PALLD: variants seen among roughly 807,000 people sequenced by gnomAD.
PALLD encodes palladin.
PALLD carries 61 observed loss-of-function variants against 123.5 expected under a neutral mutation model. The observed-to-expected ratio is 0.49, with a 90% CI of 0.40 to 0.61. The LOEUF is 0.61. PALLD is among the 20% of genes least tolerant of loss of function. The pLI is 0.00. For synonymous variants in PALLD, 465 were observed against 496.4 expected, an observed-to-expected ratio of 0.94 and a Z score of 0.84; for missense variants, 1,273 against 1,377.0, an observed-to-expected ratio of 0.92 and a Z score of 1.20.
intron 2 of PALLD, among the ~76,000 whole-genome samples, chr4:168,610,585 A>G (rs1773633168): frequency 6.6e-6 from 1 of 152,178 alleles, no homozygotes; most frequent in Admixed American, 6.5e-5. Flanking sequence ...GCAGCCATTC[A>G]GTGGCAATCT....
At chr4:168,832,219 T>TTAAA (rs1337425351) in intron 10 of PALLD, 49 of 983,572 alleles carry the variant, frequency 5.0e-5, no homozygotes, top group Admixed American at 1.2e-4. Context: ...AATGTGTGAA[T>TTAAA]TAAAGGGAGT....
intron 2 of PALLD, among the ~76,000 whole-genome samples, chr4:168,646,948 C>T (rs1168633398): frequency 6.6e-6 from 1 of 152,092 alleles, no homozygotes; most frequent in Non-Finnish European, 1.5e-5. Flanking sequence ...AAACTACCAA[C>T]AAATTTAAGG....
chr4:168,689,524 T>G (rs1025416500), intron 6 of PALLD, among the ~76,000 whole-genome samples: 1 of 134,806 alleles, frequency 7.4e-6, no homozygotes, highest in Non-Finnish European at 1.5e-5. Context: ...CTTGGCTCAC[T>G]GCAACCTCTG....
chr4:168,718,668 A>G (rs1191772093), intron 10 of PALLD, among the ~76,000 whole-genome samples: 2 of 152,214 alleles, frequency 1.3e-5, no homozygotes, highest in Non-Finnish European at 2.9e-5. Context: ...GTATCCTGCC[A>G]GAGATTGTTT....
intron 10 of PALLD, among the ~76,000 whole-genome samples, chr4:168,756,928 A>G (rs1334378370): frequency 6.6e-6 from 1 of 152,254 alleles, no homozygotes; most frequent in Non-Finnish European, 1.5e-5. Flanking sequence ...AGGGGTACCC[A>G]GTAAGATGGA....
At chr4:168,745,770 T>C (rs1021523064) in intron 10 of PALLD, among the ~76,000 whole-genome samples, 1 of 151,748 alleles carries the variant, frequency 6.6e-6, no homozygotes, top group South Asian at 2.1e-4. Context: ...GTGACCATTT[T>C]GGTGGAAAAA....
At chr4:168,917,344 G>A (rs547803866) in intron 17 of PALLD, among the ~76,000 whole-genome samples, 10 of 152,152 alleles carry the variant, frequency 6.6e-5, no homozygotes, top group South Asian at 4.2e-4. Context: ...CACCACACCC[G>A]GCCTACAGCA....
rs933966646 is a variant in PALLD, at chr4:168,895,616, A to G, written c.2200-933A>G. Among the ~76,000 whole-genome samples, 3 of 152,246 alleles carry G rather than the reference A, an allele frequency of 2.0e-5. No homozygotes were observed. In the East Asian group the frequency reaches 5.8e-4, roughly 29 times the overall value. ...ACAATTCATTAAGTGGAAGTGGGTC[A>G]TCATAAAGGTCTTCATCCTCATTGT... On this transcript the variant is annotated intron_variant, in intron 12 of 21. Transcript: ENST00000505667.
At chr4:168,504,827 A>G (rs1244951311) in intron 1 of PALLD, 1 of 152,232 alleles carries the variant, frequency 6.6e-6, no homozygotes, top group Non-Finnish European at 1.5e-5. Flanking sequence ...TTTCAATGCT[A>G]CTTACTAAAG....
chr4:168,598,993 T>C (rs901817156), intron 2 of PALLD, among the ~76,000 whole-genome samples: 2 of 152,110 alleles, frequency 1.3e-5, no homozygotes, highest in African/African-American at 4.8e-5. Flanking sequence ...ACATCAAGGG[T>C]CTGTAATTCC....
intron 10 of PALLD, 119 bp from the exon 11 acceptor site, chr4:168,890,803 A>G (rs1490060644): frequency 9.9e-7 from 1 of 1,013,112 alleles, no homozygotes; most frequent in Non-Finnish European, 1.6e-6. Context: ...CAGATGTAGC[A>G]TAAAAAATAG....
chr4:168,571,420 T>C (rs918893587), intron 2 of PALLD, among the ~76,000 whole-genome samples: 3 of 152,170 alleles, frequency 2.0e-5, no homozygotes, highest in Non-Finnish European at 4.4e-5. Flanking sequence ...ATTACATACC[T>C]GAAACTGGAA....
chr4:168,520,295 C>T (rs1395340033), intron 2 of PALLD, among the ~76,000 whole-genome samples: 4 of 141,920 alleles, frequency 2.8e-5, no homozygotes, highest in African/African-American at 8.0e-5. Flanking sequence ...CACTGCACTC[C>T]AGGCTGGGTG....
At chr4:168,627,536 A>T (rs1775419765) in intron 2 of PALLD, among the ~76,000 whole-genome samples, 1 of 152,184 alleles carries the variant, frequency 6.6e-6, no homozygotes, top group Non-Finnish European at 1.5e-5. Context: ...AGATAAATAG[A>T]TAGATAGACC....
intron 2 of PALLD, chr4:168,598,364 G>T (rs940375247): frequency 3.4e-6 from 2 of 583,332 alleles, no homozygotes; most frequent in South Asian, 3.0e-5. Context: ...GAACTGTTTG[G>T]CTAACTTCCT....
rs760996154 is a variant in PALLD at position 168,924,382 on chromosome 4, A to G, written c.3186A>G (p.Lys1062=). 2.3e-5 allele frequency: 37 copies of G among 1,613,964 alleles called. No individual in the cohort carries two copies. The highest frequency in any genetic ancestry group is 3.1e-5 in the Non-Finnish European group (37 of 1,179,960). The change falls in exon 19 of 22, where the codon AAA becomes AAG. Residue 1062 remains lysine (K), a synonymous_variant. Transcript: ENST00000505667. Reference sequence around the variant, plus strand: ...CACCACCTCAGATATTTTGGAAGAAAGAAAATGAATCACTCACTCACAGCA... The same window carrying G: ...CACCACCTCAGATATTTTGGAAGAAGGAAAATGAATCACTCACTCACAGCA... The part of the protein sequence containing the change: ...GVPPPQIFWK[K]ENESLTHSTD...
chr4:168,669,307 T>TTTG (rs1779948777), intron 3 of PALLD, among the ~76,000 whole-genome samples: 1 of 152,336 alleles, frequency 6.6e-6, no homozygotes, highest in East Asian at 1.9e-4. Context: ...AGCTCATGCC[T>TTTG]GTAATCCCAG....
In PALLD at chr4:168,878,122, C is replaced by G; in HGVS notation, c.1965-12800C>G. 6.8e-7 allele frequency: 1 copy of G among 1,475,560 alleles called. No individual in the cohort carries two copies. Among genetic ancestry groups the G allele is most frequent in the Admixed American group, 2.3e-5 (1 of 42,918 alleles). The allele number at this position is 1,475,560 out of a possible 1,614,324, so 91.4% of individuals were successfully genotyped here. A position where few individuals can be genotyped will look rare whatever the true frequency, so the allele number is the denominator to read the frequency against. On this transcript the variant is annotated intron_variant, in intron 10 of 21. Transcript: ENST00000505667. ...TCGCGCAGCCCTTCGGCGCTGAGCC[C>G]GAGGCCCCGTGGGGCTCCTCCTCGC... is the stretch of plus-strand genomic sequence containing the variant.
rs1779842337 is a variant in PALLD at position 168,668,226 on chromosome 4, T to C, written c.945T>C (p.Pro315=). ...AAGGGAAAGAACTGCACAACACTCC[T>C]GATATTCAAATCCACTGTGAGGGAG... ...FCEGKELHNT[P]DIQIHCEGGD... is the part of the protein sequence containing the mutation. Residue 315 remains proline (P), a synonymous_variant, in exon 3 of 22, where the codon CCT becomes CCC. Transcript: ENST00000505667. The C allele has an allele frequency of 1.2e-6, 2 of 1,614,040 alleles. No homozygotes were observed. Among genetic ancestry groups the C allele is most frequent in the Non-Finnish European group, 1.7e-6 (2 of 1,179,976 alleles).
Sources: gnomAD v4.1 joint callset for allele counts (sites outside exome capture counted in the v4.1 genomes callset) on GRCh38, gnomAD v4.1.1 for gene constraint, MANE v1.5 for transcripts, NCBI Gene and HGNC (gene_info 2026-07-23, HGNC 2026-07-21) for gene names.